Variants in RBFOX3 observed in about 807,000 individuals in gnomAD.
The protein encoded by RBFOX3 is RNA binding fox-1 homolog 3.
In RBFOX3, 17 loss-of-function variants were observed where a neutral mutation model predicts 48.7. That is an observed-to-expected ratio of 0.35 (90% CI 0.24 to 0.52). RBFOX3 has a LOEUF of 0.52. Ranked by LOEUF, RBFOX3 falls within the 20% of genes least tolerant of loss-of-function variation. The pLI is 0.94. For synonymous variants in RBFOX3, 212 were observed against 209.5 expected (o/e 1.01, Z -0.10); for missense variants, 382 against 497.5 (o/e 0.77, Z 2.21).
intron 1 of RBFOX3, among the ~76,000 whole-genome samples, chr17:79,531,240 C>T (rs2087725294): frequency 6.6e-6 from 1 of 152,214 alleles, no homozygotes. Flanking sequence ...GGTGGGGTCT[C>T]CTGCTGCCGG....
At chr17:79,250,921 A>G (rs117174360) in intron 3 of RBFOX3, among the ~76,000 whole-genome samples, 7,174 of 150,412 alleles carry the variant, frequency 0.048, 179 homozygotes, top group East Asian at 0.12. Flanking sequence ...CAATTCTCCT[A>G]CCTCAGCCTC....
intron 4 of RBFOX3, among the ~76,000 whole-genome samples, chr17:79,137,957 C>T (rs1182264158): frequency 1.3e-5 from 2 of 151,750 alleles, no homozygotes; most frequent in African/African-American, 2.4e-5. Flanking sequence ...TTTTAAACAT[C>T]TTCTTCTCTA....
In RBFOX3 at chr17:79,361,935, T is replaced by C. The variant is rs574375733; in HGVS notation, c.-174-54111A>G. On this transcript the variant is annotated intron_variant, in intron 2 of 14. Transcript: ENST00000693108. The surrounding 1 kb of genome is among the most constrained non-coding windows in gnomAD (Gnocchi z 4.5). ...ATGTTATAAAAATGTCTTATTTTGG[T>C]AGTTAATTGCCATTTCCATTTTAAT... Among the ~76,000 whole-genome samples, 3 of 152,374 alleles carry C rather than the reference T, an allele frequency of 2.0e-5. No homozygotes were observed. Among genetic ancestry groups the C allele is most frequent in the African/African-American group, 7.2e-5 (3 of 41,586 alleles).
intron 1 of RBFOX3, among the ~76,000 whole-genome samples, chr17:79,587,432 A>G (rs1289867860): frequency 6.6e-6 from 1 of 152,252 alleles, no homozygotes; most frequent in African/African-American, 2.4e-5. Flanking sequence ...AGTAGACACC[A>G]GCAAGGCTAG....
At chr17:79,253,153 A>G (rs1231062209) in intron 3 of RBFOX3, among the ~76,000 whole-genome samples, 1 of 152,106 alleles carries the variant, frequency 6.6e-6, no homozygotes, top group Non-Finnish European at 1.5e-5. Flanking sequence ...CCGCAGAGGG[A>G]GGTAACCACC....
intron 4 of RBFOX3, among the ~76,000 whole-genome samples, chr17:79,180,966 A>G (rs1023544565): frequency 2.6e-5 from 4 of 152,186 alleles, no homozygotes; most frequent in African/African-American, 9.7e-5. Flanking sequence ...TCAGGGATGC[A>G]TTCACCTAGC....
At chr17:79,515,475 G>A (rs894577290) in intron 1 of RBFOX3, among the ~76,000 whole-genome samples, 5 of 152,280 alleles carry the variant, frequency 3.3e-5, no homozygotes, top group South Asian at 2.1e-4. Flanking sequence ...GGAGCTCATC[G>A]ACAGGGTTAC....
chr17:79,172,402 G>A (rs1435227175), intron 4 of RBFOX3, among the ~76,000 whole-genome samples: 1 of 152,222 alleles, frequency 6.6e-6, no homozygotes. Flanking sequence ...GTTGCCTGGT[G>A]CAGGAGCTGG....
At position 79,115,840 on chromosome 17, in the gene RBFOX3, C is replaced by T; in HGVS notation, c.-33-92G>A. ...GGCCTTGTGGCTGAGCAGAGCTTCT[C>T]CAGCAGTATTTTCAGCAGCCTTTCC... On this transcript the variant is annotated intron_variant, in intron 4 of 14. Transcript: ENST00000693108. The T allele has an allele frequency of 7.2e-6, 4 of 553,474 alleles. No homozygotes were observed. In the South Asian group the frequency reaches 9.0e-5, roughly 12 times the overall value. The allele number at this position is 553,474 out of a possible 1,614,324, so 34.3% of individuals were successfully genotyped here.
Position 79,090,961 on chromosome 17 carries a change from G to A in RBFOX3, c.1078-76C>T, listed in dbSNP as rs1200409909. ...GCAGGTGTGAAGGCGACAGGACCAC[G>A]TGGCACGGGGCCCCTGGCCTAAAGT... On this transcript the variant is annotated intron_variant, in intron 14 of 14. Transcript: ENST00000693108. The A allele has an allele frequency of 6.8e-6, 10 of 1,463,750 alleles. No individual in the cohort carries two copies. The Admixed American group carries it at 8.0e-5, about 12-fold the overall frequency. The allele number at this position is 1,463,750 out of a possible 1,614,324, so 90.7% of individuals were successfully genotyped here. A position where few individuals can be genotyped will look rare whatever the true frequency, so the allele number is the denominator to read the frequency against.
the RBFOX3 span, among the ~76,000 whole-genome samples, chr17:79,658,881 C>T: frequency 1.3e-5 from 2 of 152,208 alleles, no homozygotes; most frequent in Non-Finnish European, 2.9e-5. Flanking sequence ...AACAAGATAA[C>T]CTCCATTTGC....
At position 79,132,896 on chromosome 17, in the gene RBFOX3, G is replaced by A. The variant is rs2039308455; in HGVS notation, c.-33-17148C>T. 3 of 152,380 alleles carry A rather than the reference G, an allele frequency of 2.0e-5. No individual in the cohort carries two copies. In the South Asian group the frequency reaches 6.2e-4, roughly 31 times the overall value. The allele number at this position is 152,380 out of a possible 1,614,324, so 9.4% of individuals were successfully genotyped here. ...AGCAGGAACCCTCTTCTCCACCCTG[G>A]ACGGGGCGTGCGGGCCCGTGGGAGG... is the stretch of plus-strand genomic sequence containing the variant. On this transcript the variant is annotated intron_variant, in intron 4 of 14. Transcript: ENST00000693108.
At chr17:79,600,771 G>A (rs1041264556) in intron 1 of RBFOX3, 3 of 152,328 alleles carry the variant, frequency 2.0e-5, no homozygotes, top group East Asian at 1.9e-4. Context: ...GACTCTTCAC[G>A]ACACTGCTCT....
At chr17:79,566,500 G>C (rs1169089879) in intron 1 of RBFOX3, among the ~76,000 whole-genome samples, 1 of 152,224 alleles carries the variant, frequency 6.6e-6, no homozygotes, top group Non-Finnish European at 1.5e-5. Context: ...GGTGGGCCAG[G>C]GGACGGGGGA....
chr17:79,289,752 C>CT (rs2072852847), intron 3 of RBFOX3, among the ~76,000 whole-genome samples: 1 of 152,244 alleles, frequency 6.6e-6, no homozygotes, highest in Non-Finnish European at 1.5e-5. Context: ...CGTATTTTAT[C>CT]TTTATGTGTC....
intron 1 of RBFOX3, among the ~76,000 whole-genome samples, chr17:79,519,946 C>T (rs1238116753): frequency 3.3e-5 from 5 of 152,176 alleles, no homozygotes; most frequent in South Asian, 2.1e-4. Context: ...CCTCTGCATC[C>T]GTTCACTAGA....
intron 1 of RBFOX3, among the ~76,000 whole-genome samples, chr17:79,545,472 C>G (rs1279932193): frequency 6.6e-6 from 1 of 152,224 alleles, no homozygotes; most frequent in Admixed American, 6.5e-5. Context: ...CCTGCCTGGC[C>G]TCTCCCCACT....
At chr17:79,438,435 T>C (rs1305359063) in intron 2 of RBFOX3, among the ~76,000 whole-genome samples, 1 of 152,262 alleles carries the variant, frequency 6.6e-6, no homozygotes, top group Non-Finnish European at 1.5e-5. Context: ...AATGATGAGC[T>C]TCAGCCTCCA....
chr17:79,523,485 G>A (rs892722493), intron 1 of RBFOX3, among the ~76,000 whole-genome samples: 4 of 152,278 alleles, frequency 2.6e-5, no homozygotes, highest in East Asian at 1.9e-4. Context: ...AAATGTTGAC[G>A]AGGAAGCTTC....
Sources: allele counts gnomAD v4.1 joint callset (sites outside exome capture counted in the v4.1 genomes callset), GRCh38; gene constraint gnomAD v4.1.1; non-coding constraint Gnocchi (gnomAD v3.1); transcripts MANE v1.5; gene names NCBI Gene and HGNC (gene_info 2026-07-23, HGNC 2026-07-21).